LRP1B: variants seen among roughly 807,000 people sequenced by gnomAD.
The protein encoded by LRP1B is low-density lipoprotein receptor-related protein 1B.
A neutral mutation model predicts 556.6 loss-of-function variants in LRP1B; 217 were observed. The observed-to-expected ratio is 0.39, with a 90% CI of 0.35 to 0.44. The LOEUF is 0.44. Ranked by LOEUF, LRP1B falls within the 20% of genes least tolerant of loss-of-function variation. The pLI is 1.00. For synonymous variants in LRP1B, 2,047 were observed against 1,865.8 expected, an observed-to-expected ratio of 1.10 and a Z score of -2.50; for missense variants, 5,053 against 5,620.8, an observed-to-expected ratio of 0.90 and a Z score of 3.23.
intron 7 of LRP1B, among the ~76,000 whole-genome samples, chr2:141,130,008 G>A (rs1701309948): frequency 6.6e-6 from 1 of 151,812 alleles, no homozygotes; most frequent in East Asian, 1.9e-4. Flanking sequence ...CAAAGCAAAT[G>A]GATACAGAAT....
At chr2:141,658,480 C>T (rs1221157166) in intron 2 of LRP1B, among the ~76,000 whole-genome samples, 1 of 152,136 alleles carries the variant, frequency 6.6e-6, no homozygotes, top group Non-Finnish European at 1.5e-5. Context: ...TAAAAGGCAG[C>T]CCAGGTCTCC....
chr2:142,048,788 G>A (rs900685504), intron 1 of LRP1B, among the ~76,000 whole-genome samples: 3 of 151,918 alleles, frequency 2.0e-5, no homozygotes, highest in Non-Finnish European at 4.4e-5. Flanking sequence ...TAACTATTGG[G>A]CAATGAAAAT....
rs973073234 is a variant in LRP1B at position 141,650,464 on chromosome 2, A to G, written c.205+159815T>C. On this transcript the variant is annotated intron_variant, in intron 2 of 90. Coordinates refer to ENST00000389484, the MANE Select transcript of LRP1B (RefSeq NM_018557.3). ...TTCCATTTCAGCCTAAGAACAAAGGAAAGCTTTGAGGGGCTTTTAAGAAAT... is the reference window on the plus strand; with the variant it reads ...TTCCATTTCAGCCTAAGAACAAAGGGAAGCTTTGAGGGGCTTTTAAGAAAT... 6.2e-4 allele frequency among the ~76,000 whole-genome samples: 94 copies of G among 152,168 alleles called. 3 individuals carry two copies. The highest frequency in any genetic ancestry group is 5.9e-3 in the Admixed American group (90 of 15,280).
chr2:141,035,373 TAAA>T (rs199594024), intron 11 of LRP1B, among the ~76,000 whole-genome samples: 3,646 of 141,524 alleles, frequency 0.026, 97 homozygotes, highest in East Asian at 0.14. Flanking sequence ...ATAATAATAA[TAAA>T]AAAATCTTTT....
At chr2:141,880,051 A>G (rs1698902337) in intron 1 of LRP1B, among the ~76,000 whole-genome samples, 2 of 64,072 alleles carry the variant, frequency 3.1e-5, no homozygotes, top group Admixed American at 4.8e-4. Context: ...TTCACACTTT[A>G]GAAATTAGAA....
intron 2 of LRP1B, among the ~76,000 whole-genome samples, chr2:141,739,374 G>A (rs1002680871): frequency 1.3e-5 from 2 of 151,966 alleles, no homozygotes; most frequent in African/African-American, 4.8e-5. Context: ...GAATAAATAA[G>A]CACACAAAGA....
intron 31 of LRP1B, among the ~76,000 whole-genome samples, chr2:140,834,661 G>T (rs1439960891): frequency 6.6e-6 from 1 of 152,172 alleles, no homozygotes; most frequent in South Asian, 2.1e-4. Flanking sequence ...ACAGCGGGTC[G>T]TTTTGGTAAC....
At chr2:141,004,101 A>C (rs1166087737) in intron 15 of LRP1B, among the ~76,000 whole-genome samples, 1 of 152,106 alleles carries the variant, frequency 6.6e-6, no homozygotes, top group Non-Finnish European at 1.5e-5. Flanking sequence ...TATTACACTT[A>C]TCCCTCCTCT....
intron 3 of LRP1B, among the ~76,000 whole-genome samples, chr2:141,353,630 G>T (rs1417126271): frequency 6.6e-6 from 1 of 151,944 alleles, no homozygotes; most frequent in Non-Finnish European, 1.5e-5. Context: ...TGGATGAGAA[G>T]TTCATGTCTA....
chr2:140,257,165 T>C (rs1384920057), intron 86 of LRP1B, among the ~76,000 whole-genome samples: 2 of 151,580 alleles, frequency 1.3e-5, no homozygotes, highest in African/African-American at 2.4e-5. Context: ...AGTGCTAGGT[T>C]GAAGTTTAAT....
In LRP1B at chr2:140,744,278, G is replaced by C. The variant is rs1297591998; in HGVS notation, c.5758+24935C>G. 6.6e-5 allele frequency among the ~76,000 whole-genome samples: 10 copies of C among 151,670 alleles called. No homozygotes were observed. In the East Asian group the frequency reaches 1.9e-3, roughly 29 times the overall value. On this transcript the variant is annotated intron_variant, in intron 35 of 90. Coordinates refer to ENST00000389484, the MANE Select transcript of LRP1B (RefSeq NM_018557.3). ...CCTCAAATATATACAATTTTCATTT[G>C]CCAATTAATTATTTTTAAAAATGAG...
intron 76 of LRP1B, among the ~76,000 whole-genome samples, chr2:140,352,027 C>G (rs1681984136): frequency 6.6e-6 from 1 of 152,070 alleles, no homozygotes. Flanking sequence ...CTGTTTTCTT[C>G]TTGTAATAAC....
chr2:141,875,222 C>G (rs12623038), intron 1 of LRP1B, among the ~76,000 whole-genome samples: 1 of 150,948 alleles, frequency 6.6e-6, no homozygotes, highest in South Asian at 2.1e-4. Context: ...GTTGCCCAGG[C>G]GGGTCTCAAA....
At chr2:141,758,894 C>A (rs899961554) in intron 2 of LRP1B, among the ~76,000 whole-genome samples, 1 of 151,952 alleles carries the variant, frequency 6.6e-6, no homozygotes, top group East Asian at 1.9e-4. Context: ...TTATTCTGTC[C>A]TTCAAATTTC....
In LRP1B at chr2:140,320,522, A is replaced by G. The variant is rs149220184; in HGVS notation, c.12640+1441T>C. On this transcript the variant is annotated intron_variant, in intron 82 of 90. Transcript: ENST00000389484. Reference sequence around the variant, plus strand: ...AATACAACAGGTAACAAACCCTGCCATGAATAATGTCTGTACCTCATTGGA... The same window carrying G: ...AATACAACAGGTAACAAACCCTGCCGTGAATAATGTCTGTACCTCATTGGA... Among the ~76,000 whole-genome samples, 16 of 152,252 alleles carry G rather than the reference A, an allele frequency of 1.1e-4. 3 individuals carry two copies. The highest frequency in any genetic ancestry group is 3.8e-4 in the African/African-American group (16 of 41,560).
At chr2:141,607,789 G>T (rs551713231) in intron 2 of LRP1B, among the ~76,000 whole-genome samples, 1 of 152,112 alleles carries the variant, frequency 6.6e-6, no homozygotes, top group Non-Finnish European at 1.5e-5. Context: ...GTTGGGCATG[G>T]TTGCACATCT....
At chr2:140,284,360 T>A (rs1387388922) in intron 84 of LRP1B, among the ~76,000 whole-genome samples, 1 of 118,136 alleles carries the variant, frequency 8.5e-6, no homozygotes, top group Non-Finnish European at 1.6e-5. Context: ...TTTCGAAAAC[T>A]GGAAAGGAAT....
chr2:141,477,971 A>T (rs868610883), intron 3 of LRP1B, among the ~76,000 whole-genome samples: 3,972 of 152,228 alleles, frequency 0.026, 178 homozygotes, highest in African/African-American at 0.091. Flanking sequence ...GGCAAAAAAA[A>T]AAAAGTTGTC....
At chr2:141,945,578 T>C (rs1003123486) in intron 1 of LRP1B, among the ~76,000 whole-genome samples, 7 of 152,042 alleles carry the variant, frequency 4.6e-5, no homozygotes, top group African/African-American at 1.7e-4. Context: ...ATCTAAATTA[T>C]TGAAATTTAT....
Sources: gnomAD v4.1 joint callset for allele counts (sites outside exome capture counted in the v4.1 genomes callset) on GRCh38, gnomAD v4.1.1 for gene constraint, MANE v1.5 for transcripts, NCBI Gene and HGNC (gene_info 2026-07-23, HGNC 2026-07-21) for gene names.